CRADD: variants seen among roughly 807,000 people sequenced by gnomAD.
CRADD encodes the protein CARD and death domain containing adaptor protein.
In CRADD, 9 loss-of-function variants were observed where a neutral mutation model predicts 15.5. That is an observed-to-expected ratio of 0.58 (90% CI 0.35 to 1.01). The LOEUF is 1.01. Among genes scored for constraint, CRADD ranks in the 50% least tolerant of loss-of-function variants. The pLI, the probability that CRADD is intolerant of heterozygous loss-of-function variation, is 0.02. For synonymous variants in CRADD, 118 were observed against 107.6 expected (o/e 1.10, Z -0.60); for missense variants, 227 against 250.3 (o/e 0.91, Z 0.63).
chr12:93,847,498 G>GA (rs11378030), intron 2 of CRADD, among the ~76,000 whole-genome samples: 19,775 of 62,476 alleles, frequency 0.32, 3,205 homozygotes, highest in East Asian at 0.56. Flanking sequence ...AGCATTGCTT[G>GA]AAAAAAAAAA....
chr12:93,788,470 G>A (rs1361311306), intron 2 of CRADD, among the ~76,000 whole-genome samples: 3 of 152,174 alleles, frequency 2.0e-5, no homozygotes, highest in Non-Finnish European at 4.4e-5. Context: ...ACCACAGTGT[G>A]TGTGGTCTCT....
At chr12:93,689,886 A>C (rs1224060110) in intron 2 of CRADD, among the ~76,000 whole-genome samples, 2 of 152,236 alleles carry the variant, frequency 1.3e-5, no homozygotes, top group Non-Finnish European at 2.9e-5. Context: ...TGCTAGAACT[A>C]TAGAAGGTTA....
chr12:93,705,732 G>GA (rs995710724), intron 2 of CRADD, among the ~76,000 whole-genome samples: 18 of 151,806 alleles, frequency 1.2e-4, no homozygotes, highest in East Asian at 9.7e-4. Context: ...TCACTTAAAC[G>GA]AAAAAAAACA....
intron 2 of CRADD, among the ~76,000 whole-genome samples, chr12:93,864,076 T>C (rs1185984176): frequency 1.3e-5 from 2 of 152,178 alleles, no homozygotes; most frequent in East Asian, 3.9e-4. Flanking sequence ...TTATTTACTG[T>C]TATATAGAGA....
At chr12:93,853,966 T>C (rs1958249876), downstream of CRADD, among the ~76,000 whole-genome samples, 1 of 152,212 alleles carries the variant, frequency 6.6e-6, no homozygotes, top group Non-Finnish European at 1.5e-5. Context: ...AAGGGAGTGT[T>C]TGTGGTTAAA....
At chr12:93,690,586 GAT>G (rs1955541104) in intron 2 of CRADD, among the ~76,000 whole-genome samples, 1 of 152,244 alleles carries the variant, frequency 6.6e-6, no homozygotes, top group Non-Finnish European at 1.5e-5. Context: ...AAGGGCTTTA[GAT>G]ATATAAACTC....
At chr12:93,744,475 A>T (rs963739055) in intron 2 of CRADD, among the ~76,000 whole-genome samples, 2 of 152,184 alleles carry the variant, frequency 1.3e-5, no homozygotes, top group African/African-American at 4.8e-5. Context: ...CCAACTGGAT[A>T]ATCCAGGCTA....
chr12:93,850,156 A>T lies in CRADD; in HGVS notation c.485A>T (p.Glu162Val). Residue 162 changes from glutamate to valine, a missense_variant, in exon 3 of 3, where the codon GAG (glutamate) becomes GTG (valine). Physicochemically the swap from Glu to Val is moderately radical, Grantham distance 121. Transcript: ENST00000332896. The surrounding 1 kb of genome is among the most constrained non-coding windows in gnomAD (Gnocchi z 4.0). ...HPHNVQSQVV[E>V]AFIRWRQRFG... ...CACAACGTGCAGTCGCAGGTGGTGG[A>T]GGCCTTCATCCGTTGGCGGCAGCGC... 1 of 1,613,868 alleles carries T rather than the reference A, an allele frequency of 6.2e-7. No individual in the cohort carries two copies. Among genetic ancestry groups the T allele is most frequent in the Non-Finnish European group, 8.5e-7 (1 of 1,179,780 alleles).
chr12:93,794,684 C>A (rs979382926), intron 2 of CRADD, among the ~76,000 whole-genome samples: 1 of 152,188 alleles, frequency 6.6e-6, no homozygotes, highest in Non-Finnish European at 1.5e-5. Context: ...GAGAGACCAG[C>A]CAGAGTGGTC....
chr12:93,816,932 A>G (rs971259497), intron 2 of CRADD, among the ~76,000 whole-genome samples: 11 of 152,236 alleles, frequency 7.2e-5, no homozygotes, highest in African/African-American at 2.7e-4. Context: ...AAGCCTTGGA[A>G]GAGAGGACTA....
chr12:93,814,001 A>G (rs75999407), intron 2 of CRADD, among the ~76,000 whole-genome samples: 359 of 152,232 alleles, frequency 2.4e-3, no homozygotes, highest in African/African-American at 8.2e-3. Context: ...AGTCCAAATT[A>G]AGGGGTATAG....
intron 2 of CRADD, among the ~76,000 whole-genome samples, chr12:93,756,573 T>C (rs1956892734): frequency 6.6e-6 from 1 of 152,220 alleles, no homozygotes; most frequent in Non-Finnish European, 1.5e-5. Flanking sequence ...GGGCCTTCCT[T>C]GTTCACTGCT....
At chr12:93,712,658 A>G (rs1277350093) in intron 2 of CRADD, among the ~76,000 whole-genome samples, 2 of 152,192 alleles carry the variant, frequency 1.3e-5, no homozygotes, top group Admixed American at 1.3e-4. Context: ...TTTTATTTTT[A>G]TGGAATTTTG....
chr12:93,758,310 T>C (rs1009050634), intron 2 of CRADD, among the ~76,000 whole-genome samples: 2 of 152,202 alleles, frequency 1.3e-5, no homozygotes, highest in African/African-American at 2.4e-5. Flanking sequence ...CCATTGCTAT[T>C]CTTACTATGT....
chr12:93,681,232 A>T (rs185173044), intron 2 of CRADD, among the ~76,000 whole-genome samples: 4 of 152,360 alleles, frequency 2.6e-5, no homozygotes, highest in African/African-American at 9.6e-5. Flanking sequence ...GAAAGAATTA[A>T]GGCATTTTTT....
Position 93,850,452 on chromosome 12 carries a change from T to G in CRADD, c.*181T>G. 3 of 1,346,686 alleles carry G rather than the reference T, an allele frequency of 2.2e-6. No individual in the cohort carries two copies. The highest frequency in any genetic ancestry group is 2.8e-6 in the Non-Finnish European group (3 of 1,056,552). 83.4% of individuals were successfully genotyped at this position (1,346,686 alleles called of 1,614,324 possible). A position where few individuals can be genotyped will look rare whatever the true frequency, so the allele number is the denominator to read the frequency against. On this transcript the variant is annotated 3_prime_UTR_variant, in exon 3 of 3. Transcript: ENST00000332896. The surrounding 1 kb of genome is among the most constrained non-coding windows in gnomAD (Gnocchi z 4.0). ...TTGAAAGGCCAGATTACTCAGCAGATCTCCCATGTTGGCTCAACAATTCTT... is the reference window on the plus strand; with the variant it reads ...TTGAAAGGCCAGATTACTCAGCAGAGCTCCCATGTTGGCTCAACAATTCTT...
At chr12:93,837,964 T>TAAAACAAAAAAA (rs1957994139) in intron 2 of CRADD, 1 of 152,232 alleles carries the variant, frequency 6.6e-6, no homozygotes, top group East Asian at 1.9e-4. Context: ...CAATTATTGC[T>TAAAACAAAAAAA]AACAGTTTTA....
intron 2 of CRADD, among the ~76,000 whole-genome samples, chr12:93,810,921 C>T (rs1484536385): frequency 6.6e-6 from 1 of 152,196 alleles, no homozygotes; most frequent in Non-Finnish European, 1.5e-5. Context: ...ATGCAAAACT[C>T]CCTTGTCTTG....
intron 2 of CRADD, among the ~76,000 whole-genome samples, chr12:93,744,054 C>T (rs1363443260): frequency 1.3e-5 from 2 of 152,180 alleles, no homozygotes; most frequent in South Asian, 2.1e-4. Flanking sequence ...TTTTCTATTA[C>T]GGGCATAACA....
Sources: allele counts gnomAD v4.1 joint callset (sites outside exome capture counted in the v4.1 genomes callset), GRCh38; gene constraint gnomAD v4.1.1; non-coding constraint Gnocchi (gnomAD v3.1); transcripts MANE v1.5; gene names NCBI Gene and HGNC (gene_info 2026-07-23, HGNC 2026-07-21).